Variants in GLT1D1 observed in about 807,000 individuals in gnomAD.
GLT1D1 encodes the protein glycosyltransferase 1 domain containing 1, also known as glycosyltransferase 1 domain-containing protein 1.
Under a neutral mutation model 28.7 loss-of-function variants are expected in GLT1D1, and 21 were observed. The ratio of observed to expected loss-of-function variants is 0.73; its 90% CI spans 0.52 to 1.05. GLT1D1 has a LOEUF of 1.05. Among genes scored for constraint, GLT1D1 ranks in the 50% least tolerant of loss-of-function variants. The pLI is 0.00. For missense variants in GLT1D1, 343 were observed against 330.6 expected, an observed-to-expected ratio of 1.04 and a Z score of -0.29; for synonymous variants, 147 against 124.8, an observed-to-expected ratio of 1.18 and a Z score of -1.19.
intron 7 of GLT1D1, among the ~76,000 whole-genome samples, chr12:128,980,863 C>G (rs961527587): frequency 1.3e-5 from 2 of 152,232 alleles, no homozygotes; most frequent in African/African-American, 4.8e-5. Context: ...TCAACGGGGA[C>G]AGTGGCAGTG....
intron 4 of GLT1D1, 174 bp from the exon 9 acceptor site, chr12:128,945,152 C>T (rs1326928421): frequency 2.7e-6 from 2 of 745,722 alleles, no homozygotes; most frequent in Non-Finnish European, 4.9e-6. Context: ...GTGCCCTTGC[C>T]CGAGCCGGGG....
At chr12:128,855,005 C>G (rs1211115903) in intron 1 of GLT1D1, among the ~76,000 whole-genome samples, 2 of 151,906 alleles carry the variant, frequency 1.3e-5, no homozygotes, top group African/African-American at 4.8e-5. Context: ...AGTGAGGAGC[C>G]CTTTGTGTTC....
At chr12:128,969,664 C>G (rs1878840966) in intron 7 of GLT1D1, among the ~76,000 whole-genome samples, 1 of 152,206 alleles carries the variant, frequency 6.6e-6, no homozygotes, top group African/African-American at 2.4e-5. Context: ...CACTCCTGAC[C>G]AAGCAGGGAG....
chr12:128,959,262 T>G (rs147715935), intron 7 of GLT1D1, among the ~76,000 whole-genome samples: 2 of 151,652 alleles, frequency 1.3e-5, no homozygotes, highest in African/African-American at 4.8e-5. Context: ...ATATTCAGTT[T>G]TTAAGATTTC....
intron 3 of GLT1D1, among the ~76,000 whole-genome samples, chr12:128,891,363 T>C (rs1869033313): frequency 6.6e-6 from 1 of 152,168 alleles, no homozygotes; most frequent in South Asian, 2.1e-4. Flanking sequence ...CACTGGCTGC[T>C]GGTGTTAGAA....
chr12:128,869,116 G>A (rs527987746), intron 1 of GLT1D1, among the ~76,000 whole-genome samples: 5 of 152,308 alleles, frequency 3.3e-5, no homozygotes, highest in Non-Finnish European at 7.3e-5. Flanking sequence ...TGATCCGCCC[G>A]CCTTGGCCTC....
chr12:128,908,746 G>A (rs998754981), intron 4 of GLT1D1, among the ~76,000 whole-genome samples: 5 of 151,816 alleles, frequency 3.3e-5, no homozygotes, highest in Non-Finnish European at 5.9e-5. Flanking sequence ...TCAGGAGATC[G>A]AGACCATCTT....
In GLT1D1 at chr12:128,968,140, C is replaced by T. The variant is rs550431448; in HGVS notation, c.639+10497C>T. On this transcript the variant is annotated intron_variant, in intron 7 of 7. Transcript: ENST00000281703. ...CCTCCCGAGTAGCTAGGACTGCAGGCGCCTGCCACCACACCTGGCTAATTT... is the reference window on the plus strand; with the variant it reads ...CCTCCCGAGTAGCTAGGACTGCAGGTGCCTGCCACCACACCTGGCTAATTT... Among the ~76,000 whole-genome samples the T allele has an allele frequency of 2.0e-3, 307 of 152,056 alleles. 1 individual carries two copies. The highest frequency in any genetic ancestry group is 7.0e-3 in the African/African-American group (290 of 41,496).
At chr12:128,946,205 G>A (rs1045246556) in intron 5 of GLT1D1, among the ~76,000 whole-genome samples, 10 of 152,186 alleles carry the variant, frequency 6.6e-5, no homozygotes, top group South Asian at 4.1e-4. Context: ...GGGGAAGATC[G>A]AAGAAAGGCG....
chr12:128,962,749 T>C (rs570681355), intron 7 of GLT1D1, among the ~76,000 whole-genome samples: 1 of 152,328 alleles, frequency 6.6e-6, no homozygotes, highest in Non-Finnish European at 1.5e-5. Context: ...TTGCCCAGGC[T>C]GGAGTGCAGT....
rs374597920 is a variant in GLT1D1, at chr12:128,956,171, A to AAAAAAAAAAAAAAAAAAAAAGAG, written c.541-1373_541-1372insAAAAAAAAAAAAAAAAAAAGAGA. Among the ~76,000 whole-genome samples, 302 of 63,872 alleles carry AAAAAAAAAAAAAAAAAAAAAGAG rather than the reference A, an allele frequency of 4.7e-3. 79 individuals carry two copies. Among genetic ancestry groups the AAAAAAAAAAAAAAAAAAAAAGAG allele is most frequent in the Non-Finnish European group, 8.5e-3 (241 of 28,248 alleles). 41.9% of individuals were successfully genotyped at this position (63,872 alleles called of 152,430 possible). ...GAGACTCCATCTCAAAAAAAAAAAA[A>AAAAAAAAAAAAAAAAAAAAAGAG]AGAGAAAGAGAGAAAGAAAGAAAGA... On this transcript the variant is annotated intron_variant, in intron 6 of 7. Transcript: ENST00000281703.
At chr12:128,974,066 G>A (rs1879527973) in intron 7 of GLT1D1, among the ~76,000 whole-genome samples, 1 of 152,024 alleles carries the variant, frequency 6.6e-6, no homozygotes, top group Admixed American at 6.6e-5. Context: ...ACCTCAGGCA[G>A]GTTCCCAGGT....
intron 4 of GLT1D1, among the ~76,000 whole-genome samples, chr12:128,932,696 C>T (rs1874058599): frequency 6.6e-6 from 1 of 152,166 alleles, no homozygotes; most frequent in South Asian, 2.1e-4. Context: ...GAAACCGCGG[C>T]TCCCACATCC....
chr12:128,868,731 A>G (rs1263939356), intron 1 of GLT1D1, among the ~76,000 whole-genome samples: 1 of 152,236 alleles, frequency 6.6e-6, no homozygotes, highest in Non-Finnish European at 1.5e-5. Context: ...GCCTAGAAGC[A>G]TAATGTGAGC....
chr12:128,941,679 T>C (rs1319609039), intron 4 of GLT1D1, among the ~76,000 whole-genome samples: 1 of 151,136 alleles, frequency 6.6e-6, no homozygotes, highest in Non-Finnish European at 1.5e-5. Flanking sequence ...TTCAAGCGAT[T>C]CTTCCGCTTC....
chr12:128,922,779 C>T (rs7976050), intron 4 of GLT1D1, among the ~76,000 whole-genome samples: 39,977 of 151,804 alleles, frequency 0.26, 6,707 homozygotes, highest in Non-Finnish European at 0.36. Context: ...CAAAAAGAGC[C>T]GGGCATGATG....
At chr12:128,973,872 C>T (rs74997058) in intron 7 of GLT1D1, among the ~76,000 whole-genome samples, 3,781 of 144,498 alleles carry the variant, frequency 0.026, 160 homozygotes, top group African/African-American at 0.091. Flanking sequence ...TCCCAGGTTT[C>T]CCGTGTGTGT....
At chr12:128,853,686 C>T (rs1460609431) in intron 1 of GLT1D1, 37 bp downstream of exon 1, 2 of 1,059,924 alleles carry the variant, frequency 1.9e-6, no homozygotes, top group African/African-American at 1.7e-5. Flanking sequence ...AAGCCTGGGC[C>T]GGGGGCCGGG....
intron 7 of GLT1D1, among the ~76,000 whole-genome samples, chr12:128,963,040 T>C (rs1401719536): frequency 6.6e-6 from 1 of 152,164 alleles, no homozygotes; most frequent in Non-Finnish European, 1.5e-5. Context: ...TACTTACACA[T>C]TCGTGGGGAG....
Sources: allele counts gnomAD v4.1 joint callset (sites outside exome capture counted in the v4.1 genomes callset), GRCh38; gene constraint gnomAD v4.1.1; transcripts MANE v1.5; gene names NCBI Gene and HGNC (gene_info 2026-07-23, HGNC 2026-07-21).